The following GARRE1 variants were observed in gnomAD, a reference collection of about 807,000 sequenced individuals.
GARRE1 encodes granule associated Rac and RHOG effector protein 1.
GARRE1 carries 49 observed loss-of-function variants against 103.2 expected under a neutral mutation model. That is an observed-to-expected ratio of 0.47 (90% CI 0.38 to 0.60). The LOEUF is 0.60. Among genes scored for constraint, GARRE1 ranks in the 20% least tolerant of loss-of-function variants. The pLI is 0.00. For synonymous variants in GARRE1, 505 were observed against 532.8 expected, an observed-to-expected ratio of 0.95 and a Z score of 0.72; for missense variants, 1,199 against 1,370.5, an observed-to-expected ratio of 0.87 and a Z score of 1.98.
chr19:34,268,527 A>G (rs1343005618), intron 1 of GARRE1, among the ~76,000 whole-genome samples: 1 of 152,300 alleles, frequency 6.6e-6, no homozygotes, highest in Non-Finnish European at 1.5e-5. Context: ...TTGACTTCAT[A>G]AGAAGACTAA....
chr19:34,336,426 T>C (rs887609722), intron 8 of GARRE1, among the ~76,000 whole-genome samples: 1 of 152,180 alleles, frequency 6.6e-6, no homozygotes, highest in Non-Finnish European at 1.5e-5. Context: ...TAAATTCTTT[T>C]TTTTTCTTTT....
intron 2 of GARRE1, among the ~76,000 whole-genome samples, chr19:34,313,797 A>G (rs1362130500): frequency 6.6e-6 from 1 of 151,946 alleles, no homozygotes; most frequent in African/African-American, 2.4e-5. Context: ...GAAAACTTGC[A>G]TTTTGTTTTT....
At chr19:34,256,097 C>T (rs535804326) in intron 1 of GARRE1, among the ~76,000 whole-genome samples, 2 of 151,984 alleles carry the variant, frequency 1.3e-5, no homozygotes, top group South Asian at 2.1e-4. Flanking sequence ...GCTCGGCGTT[C>T]CAAAGTGCTG....
chr19:34,331,942 G>T (rs2074139905), intron 7 of GARRE1, among the ~76,000 whole-genome samples: 1 of 151,098 alleles, frequency 6.6e-6, no homozygotes, highest in East Asian at 1.9e-4. Flanking sequence ...AGTGAGCCGA[G>T]ATTGTGCCAC....
chr19:34,322,771 A>G (rs1262621043), intron 3 of GARRE1, among the ~76,000 whole-genome samples: 1 of 151,284 alleles, frequency 6.6e-6, no homozygotes, highest in Non-Finnish European at 1.5e-5. Flanking sequence ...TATTTTTAGT[A>G]GAGATGGGGT....
chr19:34,278,691 T>C (rs1568526942), intron 1 of GARRE1, among the ~76,000 whole-genome samples: 1 of 152,176 alleles, frequency 6.6e-6, no homozygotes, highest in African/African-American at 2.4e-5. Context: ...ATTTTTTTTT[T>C]TTATTGACAG....
Position 34,327,744 on chromosome 19 carries a change from TG to T in GARRE1, c.847-26del, listed in dbSNP as rs1294660701. On this transcript the variant is annotated intron_variant, in intron 4 of 13. Transcript: ENST00000299505. ...CATCTTATAATTTGCTTTACGATCT[TG>T]ATTGTTAAAAATAATTTATTTCCAG... 4 of 1,590,706 alleles carry T rather than the reference TG, an allele frequency of 2.5e-6. No individual in the cohort carries two copies. In the African/African-American group the frequency reaches 4.0e-5, roughly 16 times the overall value.
chr19:34,282,496 C>T (rs1023053247), intron 1 of GARRE1, among the ~76,000 whole-genome samples: 2 of 152,180 alleles, frequency 1.3e-5, no homozygotes, highest in Non-Finnish European at 2.9e-5. Flanking sequence ...TGAGGAATAC[C>T]AGTCAGAATT....
rs1324547132 is a variant in GARRE1 at position 34,353,865 on chromosome 19, G to A, written c.*910G>A. On this transcript the variant is annotated 3_prime_UTR_variant, in exon 14 of 14. Coordinates refer to ENST00000299505, the MANE Select transcript of GARRE1 (RefSeq NM_014686.5). ...ACTAGAAATTGCATTGACATTGTGAGCTGGCTCAGAAGACAAACCAATTAA... is the reference window on the plus strand; with the variant it reads ...ACTAGAAATTGCATTGACATTGTGAACTGGCTCAGAAGACAAACCAATTAA... The A allele has an allele frequency of 2.0e-5, 3 of 152,634 alleles. No homozygotes were observed. The highest frequency in any genetic ancestry group is 2.9e-5 in the Non-Finnish European group (2 of 68,014). 9.5% of individuals were successfully genotyped at this position (152,634 alleles called of 1,614,324 possible). A position where few individuals can be genotyped will look rare whatever the true frequency, so the allele number is the denominator to read the frequency against.
At chr19:34,319,487 G>A (rs948195675) in intron 2 of GARRE1, among the ~76,000 whole-genome samples, 20 of 152,234 alleles carry the variant, frequency 1.3e-4, no homozygotes, top group Non-Finnish European at 2.8e-4. Flanking sequence ...GGTCAAACTG[G>A]CCTTCTTTCA....
intron 1 of GARRE1, chr19:34,296,239 G>A (rs7247747): frequency 1.6e-6 from 1 of 616,756 alleles, no homozygotes; most frequent in African/African-American, 1.8e-5. Flanking sequence ...GGGGGTCGCA[G>A]CAGTCCTTCT....
Position 34,300,593 on chromosome 19 carries a change from A to G in GARRE1, c.120A>G (p.Ala40=), listed in dbSNP as rs749880333. The change falls in exon 2 of 14, where the codon GCA becomes GCG. Residue 40 remains alanine (A), a synonymous_variant. Transcript: ENST00000299505. ...ACCCGATGCCTGAGCTGGGCCGAGC[A>G]CTGAGTGCTCCCCTGGCATCCACGG... The part of the protein sequence containing the change: ...QQYPMPELGR[A]LSAPLASTAT... 9.3e-6 allele frequency: 15 copies of G among 1,613,542 alleles called. No individual in the cohort carries two copies. The highest frequency in any genetic ancestry group is 1.1e-5 in the Non-Finnish European group (13 of 1,180,026).
Position 34,300,418 on chromosome 19 carries a change from A to G in GARRE1, c.-56A>G, listed in dbSNP as rs1024832279. The G allele has an allele frequency of 1.3e-6, 2 of 1,503,606 alleles. No individual in the cohort carries two copies. The highest frequency in any genetic ancestry group is 2.8e-5 in the African/African-American group (2 of 71,492). 93.1% of individuals were successfully genotyped at this position (1,503,606 alleles called of 1,614,324 possible). A position where few individuals can be genotyped will look rare whatever the true frequency, so the allele number is the denominator to read the frequency against. On this transcript the variant is annotated 5_prime_UTR_variant, in exon 2 of 14. Coordinates refer to ENST00000299505, the MANE Select transcript of GARRE1 (RefSeq NM_014686.5). ...TTTATACCTAGCTACAGTTTTGAGA[A>G]AGAAGAATCAGAACCCTGACCCACT...
chr19:34,321,795 C>G (rs2074090289), intron 3 of GARRE1, among the ~76,000 whole-genome samples: 3 of 152,136 alleles, frequency 2.0e-5, no homozygotes, highest in Non-Finnish European at 4.4e-5. Flanking sequence ...TCTTTTATCC[C>G]TTGGAAGATC....
intron 1 of GARRE1, among the ~76,000 whole-genome samples, chr19:34,264,945 C>G (rs1191101561): frequency 6.6e-6 from 1 of 152,056 alleles, no homozygotes; most frequent in African/African-American, 2.4e-5. Flanking sequence ...TTCTAGGATT[C>G]GTGCCTAGAT....
chr19:34,290,874 C>CTTTTTTTTTTTTTTTTT lies in GARRE1; in HGVS notation c.-795-8771_-795-8755dup, dbSNP rs71165641. Among the ~76,000 whole-genome samples, 2 of 63,214 alleles carry CTTTTTTTTTTTTTTTTT rather than the reference C, an allele frequency of 3.2e-5. 1 individual carries two copies. The highest frequency in any genetic ancestry group is 1.4e-3 in the South Asian group (2 of 1,396). The allele number at this position is 63,214 out of a possible 152,430, so 41.5% of individuals were successfully genotyped here. A position where few individuals can be genotyped will look rare whatever the true frequency, so the allele number is the denominator to read the frequency against. ...TATAGTTTCTACTGAAAGCATATTG[C>CTTTTTTTTTTTTTTTTT]TTTTTTTTTTTTTTTTTTTTTTTTT... On this transcript the variant is annotated intron_variant, in intron 1 of 13. Coordinates refer to ENST00000299505, the MANE Select transcript of GARRE1 (RefSeq NM_014686.5).
Position 34,300,419 on chromosome 19 carries a change from A to G in GARRE1, c.-55A>G. 1 of 1,503,956 alleles carries G rather than the reference A, an allele frequency of 6.6e-7. No individual in the cohort carries two copies. The highest frequency in any genetic ancestry group is 1.4e-5 in the South Asian group (1 of 73,214). The allele number at this position is 1,503,956 out of a possible 1,614,324, so 93.2% of individuals were successfully genotyped here. On this transcript the variant is annotated 5_prime_UTR_variant, in exon 2 of 14. Coordinates refer to ENST00000299505, the MANE Select transcript of GARRE1 (RefSeq NM_014686.5). ...TTATACCTAGCTACAGTTTTGAGAA[A>G]GAAGAATCAGAACCCTGACCCACTT... is the stretch of plus-strand genomic sequence containing the variant.
chr19:34,348,542 A>T (rs2074222959), intron 11 of GARRE1: 1 of 154,306 alleles, frequency 6.5e-6, no homozygotes, highest in African/African-American at 2.4e-5. Context: ...ATAAATCTGG[A>T]TGACTAAAGA....
intron 1 of GARRE1, among the ~76,000 whole-genome samples, chr19:34,262,872 T>C (rs2073727376): frequency 6.6e-6 from 1 of 152,182 alleles, no homozygotes; most frequent in East Asian, 1.9e-4. Flanking sequence ...TTTTCTAATT[T>C]TAAAAAATTT....
Sources: allele counts gnomAD v4.1 joint callset (sites outside exome capture counted in the v4.1 genomes callset), GRCh38; gene constraint gnomAD v4.1.1; transcripts MANE v1.5; gene names NCBI Gene and HGNC (gene_info 2026-07-23, HGNC 2026-07-21).